The following NAMPT variants were observed in gnomAD, a reference collection of about 807,000 sequenced individuals.
NAMPT encodes the protein NAmPRTase.
In NAMPT, 7 loss-of-function variants were observed where a neutral mutation model predicts 58.7. That is an observed-to-expected ratio of 0.12 (90% CI 0.07 to 0.22). The LOEUF is 0.22. Ranked by LOEUF, NAMPT falls within the 10% of genes least tolerant of loss-of-function variation. The probability of loss-of-function intolerance (pLI) is 1.00; values close to 1 mark genes in which losing one functional copy is unlikely to be tolerated. For missense variants in NAMPT, 271 were observed against 567.9 expected (o/e 0.48, Z 5.31); for synonymous variants, 145 against 198.1 (o/e 0.73, Z 2.25).
intron 1 of NAMPT, chr7:106,284,397 CT>C (rs1792824557): frequency 6.6e-6 from 1 of 151,614 alleles, no homozygotes. Flanking sequence ...GAAAGCCCCG[CT>C]CACTCTCCAC....
At chr7:106,284,673 C>A in intron 1 of NAMPT, 155 bp downstream of exon 1, 1 of 895,622 alleles carries the variant, frequency 1.1e-6, no homozygotes. Context: ...CCTGCCCCAG[C>A]CGCCGCCGCC....
intron 4 of NAMPT, 45 bp from the exon 5 acceptor site, chr7:106,269,357 G>C (rs763274963): frequency 4.6e-6 from 7 of 1,517,696 alleles, no homozygotes; most frequent in Non-Finnish European, 6.3e-6. Flanking sequence ...ATAAAATACT[G>C]CATTCTTTCT....
intron 8 of NAMPT, among the ~76,000 whole-genome samples, chr7:106,256,901 C>T (rs1011488114): frequency 2.0e-5 from 3 of 152,096 alleles, no homozygotes; most frequent in Non-Finnish European, 4.4e-5. Context: ...TCTGGCCAGG[C>T]GCAATGGCTC....
At chr7:106,272,740 TTATAGAAGCTAAATTTACTGTC>T in intron 3 of NAMPT, 82 bp from the exon 4 acceptor site, 1 of 1,464,726 alleles carries the variant, frequency 6.8e-7, no homozygotes, top group Non-Finnish European at 9.4e-7. Context: ...TCTTTACGTT[TTATAGAAGCTAAATTTACTGTC>T]ATAGAAATTG....
Position 106,248,572 on chromosome 7 carries a change from AT to A in NAMPT, c.*2510del, listed in dbSNP as rs1368825708. ...ACAATTTAAGAAGGGAAAACAAGGG[AT>A]ACTCATAAAAAACATTTTACTTTAA... is the stretch of plus-strand genomic sequence containing the variant. On this transcript the variant is annotated 3_prime_UTR_variant, in exon 11 of 11. Coordinates refer to ENST00000222553, the MANE Select transcript of NAMPT (RefSeq NM_005746.3). 1 of 152,224 alleles carries A rather than the reference AT, an allele frequency of 6.6e-6. No homozygotes were observed. The highest frequency in any genetic ancestry group is 2.4e-5 in the African/African-American group (1 of 41,436). The allele number at this position is 152,224 out of a possible 1,614,324, so 9.4% of individuals were successfully genotyped here. A position where few individuals can be genotyped will look rare whatever the true frequency, so the allele number is the denominator to read the frequency against.
chr7:106,264,972 G>A (rs1792383625), intron 6 of NAMPT, among the ~76,000 whole-genome samples: 2 of 151,792 alleles, frequency 1.3e-5, no homozygotes, highest in South Asian at 2.1e-4. Context: ...TTTCAAGATT[G>A]TAAAGACTAC....
Position 106,276,789 on chromosome 7 carries a change from T to C in NAMPT, c.214+234A>G, listed in dbSNP as rs529853088. The C allele has an allele frequency of 5.8e-5, 23 of 398,392 alleles. 1 individual carries two copies. The highest frequency in any genetic ancestry group is 5.4e-4 in the South Asian group (22 of 40,540). The allele number at this position is 398,392 out of a possible 1,614,324, so 24.7% of individuals were successfully genotyped here. A position where few individuals can be genotyped will look rare whatever the true frequency, so the allele number is the denominator to read the frequency against. On this transcript the variant is annotated intron_variant, in intron 2 of 10. Transcript: ENST00000222553. ...ACCAGGAGGCGGAGGTTGCGCTGAG[T>C]TGAGATCATGCCATTGCACTCCAGC...
chr7:106,276,205 A>G (rs897749283), intron 2 of NAMPT: 8 of 152,198 alleles, frequency 5.3e-5, no homozygotes. Context: ...ACTGTTTTCA[A>G]TTCTGAAATT....
chr7:106,257,680 AAAG>A (rs1255034213), intron 8 of NAMPT, among the ~76,000 whole-genome samples: 1 of 152,162 alleles, frequency 6.6e-6, no homozygotes, highest in Admixed American at 6.5e-5. Context: ...CAAGGAAAGA[AAAG>A]AAGGAAAAGA....
In NAMPT at chr7:106,263,544, G is replaced by A. The variant is rs772020066; in HGVS notation, c.817C>T (p.Pro273Ser). 2 of 1,613,074 alleles carry A rather than the reference G, an allele frequency of 1.2e-6. No homozygotes were observed. Among genetic ancestry groups the A allele is most frequent in the South Asian group, 1.1e-5 (1 of 91,060 alleles). Residue 273 changes from proline to serine, a missense_variant, in exon 7 of 11, where the codon CCT becomes TCT. Physicochemically the swap from Pro to Ser is moderately conservative, Grantham distance 74 (BLOSUM62 -1). Transcript: ENST00000222553. ...TAGCTATCGCTGACCACAGATACAGGCACTGATGAAAACTGTGTTACAATA... is the reference window on the plus strand; with the variant it reads ...TAGCTATCGCTGACCACAGATACAGACACTGATGAAAACTGTGTTACAATA... ...EHIVTQFSSVPVSVVSDSYDI... is the reference protein window; with the variant it reads ...EHIVTQFSSVSVSVVSDSYDI...
Position 106,269,221 on chromosome 7 carries a change from G to C in NAMPT, c.539C>G (p.Ser180Cys), listed in dbSNP as rs755074398. The C allele has an allele frequency of 1.2e-6, 2 of 1,613,400 alleles. No homozygotes were observed. Among genetic ancestry groups the C allele is most frequent in the African/African-American group, 2.7e-5 (2 of 74,894 alleles). Reference protein sequence around the residue: ...KILAKYLLETSGNLDGLEYKL... With the variant: ...KILAKYLLETCGNLDGLEYKL... The stretch of plus-strand genomic sequence containing the variant: ...GTATTCCAGACCATCTAAGTTACCA[G>C]AAGTTTCTAACAAATATTTGGCCAA... The change falls in exon 5 of 11, where the codon TCT (serine) becomes TGT (cysteine). Residue 180 changes from serine to cysteine, a missense_variant. Coordinates refer to ENST00000222553, the MANE Select transcript of NAMPT (RefSeq NM_005746.3).
At chr7:106,273,821 CCTGA>C (rs1792582297) in intron 3 of NAMPT, among the ~76,000 whole-genome samples, 1 of 151,998 alleles carries the variant, frequency 6.6e-6, no homozygotes, top group Non-Finnish European at 1.5e-5. Context: ...AGAGTACTTA[CCTGA>C]CTTTTTCAAG....
intron 6 of NAMPT, among the ~76,000 whole-genome samples, chr7:106,267,732 T>C (rs1161267006): frequency 1.4e-5 from 2 of 146,490 alleles, no homozygotes; most frequent in South Asian, 2.2e-4. Context: ...TCCCAGCTAC[T>C]TGGGAGGCTG....
At chr7:106,262,568 C>A (rs1586016279) in intron 7 of NAMPT, among the ~76,000 whole-genome samples, 1 of 152,144 alleles carries the variant, frequency 6.6e-6, no homozygotes, top group East Asian at 1.9e-4. Flanking sequence ...TAAGAAAAGA[C>A]CTCCTTAATT....
At chr7:106,273,488 G>A (rs182193592) in intron 3 of NAMPT, among the ~76,000 whole-genome samples, 23 of 152,240 alleles carry the variant, frequency 1.5e-4, no homozygotes, top group African/African-American at 5.1e-4. Flanking sequence ...AAAGAACATT[G>A]CCCTACAGGT....
At chr7:106,276,747 CAGG>C (rs1792653441) in intron 2 of NAMPT, 1 of 314,228 alleles carries the variant, frequency 3.2e-6, no homozygotes. Flanking sequence ...GAGGCAGAGG[CAGG>C]AGAATTGCCT....
chr7:106,267,542 T>C (rs1318212064), intron 6 of NAMPT, among the ~76,000 whole-genome samples: 1 of 152,060 alleles, frequency 6.6e-6, no homozygotes, highest in Non-Finnish European at 1.5e-5. Flanking sequence ...TTGGCAAACA[T>C]TTAAAAAACC....
chr7:106,267,317 A>T (rs1374626552), intron 6 of NAMPT, among the ~76,000 whole-genome samples: 1 of 152,190 alleles, frequency 6.6e-6, no homozygotes, highest in African/African-American at 2.4e-5. Flanking sequence ...TCAGTTTTTT[A>T]AAAATATCCT....
At position 106,250,839 on chromosome 7, in the gene NAMPT, T is replaced by C. The variant is rs557334829; in HGVS notation, c.*244A>G. ...TATTTGTGAAAAGATCAATACCAGA[T>C]TGAATGACTACCTATTGGCAAAGGG... is the stretch of plus-strand genomic sequence containing the variant. On this transcript the variant is annotated 3_prime_UTR_variant, in exon 11 of 11. Transcript: ENST00000222553. The C allele has an allele frequency of 1.2e-3, 536 of 464,064 alleles. 3 individuals are homozygous for C. Among genetic ancestry groups the C allele is most frequent in the African/African-American group, 1.0e-2 (487 of 48,936 alleles). 28.7% of individuals were successfully genotyped at this position (464,064 alleles called of 1,614,324 possible).
Sources: allele counts gnomAD v4.1 joint callset (sites outside exome capture counted in the v4.1 genomes callset), GRCh38; gene constraint gnomAD v4.1.1; transcripts MANE v1.5; gene names NCBI Gene and HGNC (gene_info 2026-07-23, HGNC 2026-07-21).